VAT1L: variants seen among roughly 807,000 people sequenced by gnomAD.
VAT1L encodes the protein vesicle amine transport 1 like.
A neutral mutation model predicts 44.1 loss-of-function variants in VAT1L; 34 were observed. The ratio of observed to expected loss-of-function variants is 0.77; its 90% CI spans 0.59 to 1.03. VAT1L has a LOEUF of 1.03. VAT1L is among the 50% of genes least tolerant of loss of function. The pLI is 0.00. For missense variants in VAT1L, 615 were observed against 538.8 expected, an observed-to-expected ratio of 1.14 and a Z score of -1.40; for synonymous variants, 253 against 202.2, an observed-to-expected ratio of 1.25 and a Z score of -2.13.
At chr16:77,893,309 T>C (rs893478618) in intron 7 of VAT1L, among the ~76,000 whole-genome samples, 16 of 152,140 alleles carry the variant, frequency 1.1e-4, no homozygotes, top group South Asian at 2.1e-4. Flanking sequence ...ATCTCAGCCA[T>C]TGACAGAAAG....
intron 7 of VAT1L, among the ~76,000 whole-genome samples, chr16:77,922,740 C>T (rs908022356): frequency 6.6e-6 from 1 of 152,164 alleles, no homozygotes; most frequent in Non-Finnish European, 1.5e-5. Context: ...CCAAACGCTT[C>T]CCATTTGATG....
intron 7 of VAT1L, among the ~76,000 whole-genome samples, chr16:77,952,855 T>TA (rs61033802): frequency 4.2e-4 from 39 of 92,208 alleles, no homozygotes; most frequent in African/African-American, 2.0e-3. Flanking sequence ...AGACTCCATT[T>TA]AAAAAAAAAA....
chr16:77,848,251 C>T (rs965711581), intron 3 of VAT1L, among the ~76,000 whole-genome samples: 6 of 152,164 alleles, frequency 3.9e-5, no homozygotes, highest in African/African-American at 1.4e-4. Flanking sequence ...GCAATTAGTG[C>T]TCCATTTCCA....
intron 7 of VAT1L, among the ~76,000 whole-genome samples, chr16:77,932,742 G>A (rs1025306910): frequency 2.0e-5 from 3 of 152,094 alleles, no homozygotes; most frequent in African/African-American, 4.8e-5. Context: ...ATTTGTGCTG[G>A]CCACAGTACC....
intron 7 of VAT1L, among the ~76,000 whole-genome samples, chr16:77,955,723 C>G (rs542048945): frequency 1.6e-5 from 2 of 123,232 alleles, no homozygotes; most frequent in African/African-American, 3.1e-5. Context: ...TCCATATCCC[C>G]CCCCCCAAAA....
intron 7 of VAT1L, among the ~76,000 whole-genome samples, chr16:77,902,269 C>A (rs1395720233): frequency 6.6e-6 from 1 of 152,184 alleles, no homozygotes; most frequent in Non-Finnish European, 1.5e-5. Context: ...TGGTAATATT[C>A]ATTTCTGAGT....
intron 1 of VAT1L, among the ~76,000 whole-genome samples, chr16:77,802,335 G>A (rs368635359): frequency 1.6e-4 from 25 of 152,168 alleles, no homozygotes; most frequent in African/African-American, 6.0e-4. Context: ...CACTAAAGTT[G>A]CCGGGGCACC....
intron 3 of VAT1L, among the ~76,000 whole-genome samples, chr16:77,833,188 C>T (rs756946334): frequency 7.2e-5 from 11 of 152,160 alleles, no homozygotes; most frequent in African/African-American, 9.7e-5. Context: ...GCTAGGAGTT[C>T]GGTAGGGAAT....
intron 3 of VAT1L, among the ~76,000 whole-genome samples, chr16:77,844,145 T>C (rs535602557): frequency 3.5e-4 from 53 of 152,132 alleles, no homozygotes; most frequent in Admixed American, 7.2e-4. Flanking sequence ...AAATAAGATA[T>C]AGCCAGCCCT....
chr16:77,943,380 C>CTTTTT (rs773527946), intron 7 of VAT1L, among the ~76,000 whole-genome samples: 2 of 125,886 alleles, frequency 1.6e-5, no homozygotes, highest in South Asian at 2.6e-4. Context: ...CTTTTTCTTT[C>CTTTTT]TTTTTTTTTT....
intron 8 of VAT1L, among the ~76,000 whole-genome samples, chr16:77,973,750 G>C (rs958187493): frequency 1.3e-5 from 2 of 151,498 alleles, no homozygotes; most frequent in Non-Finnish European, 2.9e-5. Flanking sequence ...GTTTGAGATG[G>C]GGTCTCGCTC....
intron 7 of VAT1L, among the ~76,000 whole-genome samples, chr16:77,957,373 A>G (rs920705920): frequency 2.0e-5 from 3 of 152,196 alleles, no homozygotes; most frequent in Non-Finnish European, 2.9e-5. Flanking sequence ...CAGAAATATA[A>G]TATCTTTCTC....
At chr16:77,960,268 T>G (rs2018146811) in intron 7 of VAT1L, among the ~76,000 whole-genome samples, 1 of 152,110 alleles carries the variant, frequency 6.6e-6, no homozygotes, top group South Asian at 2.1e-4. Flanking sequence ...TAGTACACAC[T>G]CAGTGTATTT....
chr16:77,823,499 C>T lies in VAT1L; in HGVS notation c.364-1747C>T, dbSNP rs556310397. ...GCTTCATATGCAAACATGGCGGGTG[C>T]TCATTGTGATGTCATGGAAAAATAT... On this transcript the variant is annotated intron_variant, in intron 2 of 8. Transcript: ENST00000302536. Among the ~76,000 whole-genome samples, 37 of 152,208 alleles carry T rather than the reference C, an allele frequency of 2.4e-4. No homozygotes were observed. In the South Asian group the frequency reaches 7.7e-3, roughly 32 times the overall value.
intron 3 of VAT1L, among the ~76,000 whole-genome samples, chr16:77,861,431 G>A (rs921503591): frequency 2.8e-4 from 43 of 152,278 alleles, no homozygotes; most frequent in Admixed American, 5.2e-4. Context: ...GCTCCTAACT[G>A]CATTTGTGAT....
At chr16:77,806,366 C>T (rs1028088130) in intron 1 of VAT1L, among the ~76,000 whole-genome samples, 2 of 152,252 alleles carry the variant, frequency 1.3e-5, no homozygotes, top group South Asian at 2.1e-4. Context: ...CCCACCACCA[C>T]GCCCGGCCAA....
rs16946799 is a variant in VAT1L at position 77,920,439 on chromosome 16, T to C, written c.1077+35637T>C. ...GGACTCAGCGACACATAGCTGCCAT[T>C]TTTAGTAGGAACAAAACAACTCCAC... On this transcript the variant is annotated intron_variant, in intron 7 of 8. Transcript: ENST00000302536. Among the ~76,000 whole-genome samples the C allele has an allele frequency of 8.9e-3, 1,363 of 152,300 alleles. 24 individuals are homozygous for C. Among genetic ancestry groups the C allele is most frequent in the African/African-American group, 0.031 (1,279 of 41,560 alleles).
intron 5 of VAT1L, among the ~76,000 whole-genome samples, chr16:77,876,852 A>G (rs2142453864): frequency 6.6e-6 from 1 of 152,278 alleles, no homozygotes; most frequent in East Asian, 1.9e-4. Flanking sequence ...AAGAGTGGCT[A>G]GGATATGCAT....
intron 8 of VAT1L, 120 bp downstream of exon 8, chr16:77,972,053 C>G: frequency 1.2e-6 from 1 of 848,972 alleles, no homozygotes; most frequent in Non-Finnish European, 1.8e-6. Flanking sequence ...GTGGAGGAGA[C>G]CAGGGGTAAT....
Sources: gnomAD v4.1 joint callset for allele counts (sites outside exome capture counted in the v4.1 genomes callset) on GRCh38, gnomAD v4.1.1 for gene constraint, MANE v1.5 for transcripts, NCBI Gene and HGNC (gene_info 2026-07-23, HGNC 2026-07-21) for gene names.